Variants in NSD2 observed in about 807,000 individuals in gnomAD.
NSD2 encodes the protein histone-lysine N-methyltransferase NSD2.
A neutral mutation model predicts 139.0 loss-of-function variants in NSD2; 12 were observed. The ratio of observed to expected loss-of-function variants is 0.09; its 90% CI spans 0.06 to 0.14. The LOEUF (loss-of-function observed/expected upper bound fraction) is 0.14, where lower values mean the gene tolerates loss of function less well. Ranked by LOEUF, NSD2 falls within the 10% of genes least tolerant of loss-of-function variation. NSD2 has a pLI of 1.00. For missense variants in NSD2, 1,155 were observed against 1,745.0 expected, an observed-to-expected ratio of 0.66 and a Z score of 6.02; for synonymous variants, 669 against 648.7, an observed-to-expected ratio of 1.03 and a Z score of -0.48.
In NSD2 at chr4:1,939,646, T is replaced by C. The variant is rs1722872831; in HGVS notation, c.1757-8T>C. 2 of 1,613,812 alleles carry C rather than the reference T, an allele frequency of 1.2e-6. No individual in the cohort carries two copies. Among genetic ancestry groups the C allele is most frequent in the South Asian group, 2.2e-5 (2 of 91,086 alleles). ...TTTGAAACTTTACAAACCAAAATTA[T>C]TTTACAGCAACGAAAAATCTGTCTG... On this transcript the variant is annotated splice_region_variant and splice_polypyrimidine_tract_variant and intron_variant, in intron 8 of 21. Transcript: ENST00000508803.
chr4:1,901,772 G>C (rs1185018055), intron 2 of NSD2, among the ~76,000 whole-genome samples: 2 of 152,234 alleles, frequency 1.3e-5, no homozygotes, highest in African/African-American at 4.8e-5. Flanking sequence ...TCCTCAGCCA[G>C]GTGGTCCAGC....
chr4:1,896,951 G>T (rs564124419), intron 1 of NSD2, among the ~76,000 whole-genome samples: 1 of 151,972 alleles, frequency 6.6e-6, no homozygotes, highest in East Asian at 1.9e-4. Flanking sequence ...CGGGTGGATC[G>T]CTTGAGCCCA....
chr4:1,898,430 C>T (rs1211428095), intron 1 of NSD2, among the ~76,000 whole-genome samples: 1 of 152,062 alleles, frequency 6.6e-6, no homozygotes, highest in Non-Finnish European at 1.5e-5. Flanking sequence ...TTTGGGAGGC[C>T]AAGGCGGGCG....
chr4:1,923,952 G>A (rs144940739), intron 5 of NSD2, among the ~76,000 whole-genome samples: 5 of 152,250 alleles, frequency 3.3e-5, no homozygotes, highest in East Asian at 1.9e-4. Context: ...CTTTCTCTGC[G>A]TCCATCTAAA....
At chr4:1,930,884 C>A in intron 6 of NSD2, 114 bp downstream of exon 6, 1 of 1,384,140 alleles carries the variant, frequency 7.2e-7, no homozygotes, top group Non-Finnish European at 9.6e-7. Context: ...TGTTTCTGAC[C>A]CGTGGGGTTT....
At position 1,948,445 on chromosome 4, in the gene NSD2, G is replaced by C. The variant is rs985348884; in HGVS notation, c.1882-2627G>C. The C allele has an allele frequency of 3.8e-6, 4 of 1,065,998 alleles. No homozygotes were observed. In the African/African-American group the frequency reaches 6.6e-5, roughly 17 times the overall value. The allele number at this position is 1,065,998 out of a possible 1,614,324, so 66.0% of individuals were successfully genotyped here. ...AGGTGGAGCCTGCGGCTGGAGTAAG[G>C]CTTGCTGTGGGACGCCCTCGTACTT... is the stretch of plus-strand genomic sequence containing the variant. On this transcript the variant is annotated intron_variant, in intron 9 of 21. Transcript: ENST00000508803. This position sits in a 1 kb window ranked among gnomAD's most constrained non-coding sequence, Gnocchi z 4.5.
intron 1 of NSD2, among the ~76,000 whole-genome samples, chr4:1,897,662 TCTCA>T (rs1433800654): frequency 2.0e-5 from 3 of 152,296 alleles, no homozygotes; most frequent in African/African-American, 7.2e-5. Context: ...TGAGACAGAG[TCTCA>T]CTCAGGCTGG....
Position 1,976,574 on chromosome 4 carries a change from G to A in NSD2, c.3721G>A (p.Glu1241Lys), listed in dbSNP as rs774737951. 1.9e-6 allele frequency: 3 copies of A among 1,613,248 alleles called. No individual in the cohort carries two copies. Among genetic ancestry groups the A allele is most frequent in the Non-Finnish European group, 2.5e-6 (3 of 1,179,648 alleles). ...GGAAGGGAAGAGGCAGTCAGAGGACGAGTGCTTCCGCTGCGGTGATGGCGG... is the reference window on the plus strand; with the variant it reads ...GGAAGGGAAGAGGCAGTCAGAGGACAAGTGCTTCCGCTGCGGTGATGGCGG... Reference protein sequence around the residue: ...KGEGKRQSEDECFRCGDGGQL... With the variant: ...KGEGKRQSEDKCFRCGDGGQL... The change falls in exon 21 of 22, where the codon GAG becomes AAG. Residue 1241 changes from glutamate (E) to lysine (K), a missense_variant. Coordinates refer to ENST00000508803, the MANE Select transcript of NSD2 (RefSeq NM_001042424.3). This position sits in a 1 kb window ranked among gnomAD's most constrained non-coding sequence, Gnocchi z 5.3.
In NSD2 at chr4:1,900,755, A is replaced by G. The variant is rs1305185045; in HGVS notation, c.101A>G (p.Lys34Arg). 1.2e-6 allele frequency: 2 copies of G among 1,614,180 alleles called. No individual in the cohort carries two copies. Among genetic ancestry groups the G allele is most frequent in the Admixed American group, 1.7e-5 (1 of 60,010 alleles). Residue 34 changes from lysine to arginine, a missense_variant, in exon 2 of 22, where the codon AAG (lysine) becomes AGG (arginine). Lys to Arg is a conservative substitution (Grantham distance 26). Transcript: ENST00000508803. ...GAAATCCTCGGCAGTGCCAACGGGA[A>G]GACTCCGAGCTGCGAGGTGAACCGC... is the stretch of plus-strand genomic sequence containing the variant. ...APEILGSANGKTPSCEVNREC... is the reference protein window; with the variant it reads ...APEILGSANGRTPSCEVNREC...
Position 1,951,115 on chromosome 4 carries a change from A to G in NSD2, c.1925A>G (p.Glu642Gly), listed in dbSNP as rs759061394. The G allele has an allele frequency of 1.9e-6, 3 of 1,614,230 alleles. No individual in the cohort carries two copies. The highest frequency in any genetic ancestry group is 2.5e-6 in the Non-Finnish European group (3 of 1,180,038). Residue 642 changes from glutamate (E) to glycine (G), a missense_variant, in exon 10 of 22, where the codon GAA becomes GGA. Transcript: ENST00000508803. ...PGDEPSESPY[E>G]SADETQTEVS... ...GACGAGCCCTCGGAGTCCCCATACG[A>G]AAGTGCAGACGAAACACAAACTGAA...
At chr4:1,960,957 T>C (rs945789584) in intron 17 of NSD2, 78 bp from the exon 18 acceptor site, 5 of 1,119,458 alleles carry the variant, frequency 4.5e-6, no homozygotes, top group African/African-American at 3.0e-5. Flanking sequence ...TAAGTGATCA[T>C]GATGGGGAGT....
chr4:1,891,259 A>G (rs1715517829), intron 1 of NSD2, among the ~76,000 whole-genome samples: 1 of 152,212 alleles, frequency 6.6e-6, no homozygotes, highest in Non-Finnish European at 1.5e-5. Context: ...GGGCTGAAAT[A>G]TATTTCAGGC....
chr4:1,883,880 C>T (rs564611854), intron 1 of NSD2, among the ~76,000 whole-genome samples: 2 of 152,298 alleles, frequency 1.3e-5, no homozygotes, highest in East Asian at 1.9e-4. Context: ...TGCGTTGCTG[C>T]CTCTTGTTCT....
chr4:1,902,621 T>G (rs1172420152), intron 2 of NSD2, among the ~76,000 whole-genome samples: 3 of 152,034 alleles, frequency 2.0e-5, no homozygotes, highest in African/African-American at 7.3e-5. Flanking sequence ...CTGTTTTGTT[T>G]TGAGACAGGG....
chr4:1,938,579 C>A, intron 8 of NSD2, 47 bp downstream of exon 8: 3 of 543,080 alleles, frequency 5.5e-6, no homozygotes, highest in Non-Finnish European at 1.0e-5. Context: ...GGTGCCCAGG[C>A]TGGGCTGGGT....
intron 5 of NSD2, among the ~76,000 whole-genome samples, chr4:1,920,188 G>A (rs1038364806): frequency 2.6e-5 from 4 of 152,116 alleles, no homozygotes; most frequent in Non-Finnish European, 4.4e-5. Flanking sequence ...GGTGGCTCCC[G>A]CCTGTAATCT....
intron 9 of NSD2, chr4:1,945,582 G>T: frequency 9.4e-7 from 1 of 1,065,570 alleles, no homozygotes; most frequent in Non-Finnish European, 1.1e-6. Context: ...AGCCTGATGT[G>T]AGTGTGTGGC....
intron 12 of NSD2, chr4:1,954,751 T>C (rs1399474112): frequency 1.2e-5 from 2 of 164,288 alleles, no homozygotes; most frequent in Non-Finnish European, 2.6e-5. Context: ...GGGATGAGGG[T>C]GGCAGGTTTT....
At position 1,916,916 on chromosome 4, in the gene NSD2, A is replaced by T. The variant is rs2108800149; in HGVS notation, c.806A>T (p.Asp269Val). 6.2e-7 allele frequency: 1 copy of T among 1,614,138 alleles called. No individual in the cohort carries two copies. Among genetic ancestry groups the T allele is most frequent in the Non-Finnish European group, 8.5e-7 (1 of 1,180,004 alleles). ...CAGTATCACGTACAGTTCTTTGGTGACGCCCCAGAAAGAGCTTGGATATTT... is the reference window on the plus strand; with the variant it reads ...CAGTATCACGTACAGTTCTTTGGTGTCGCCCCAGAAAGAGCTTGGATATTT... The part of the protein sequence containing the change: ...ARQYHVQFFG[D>V]APERAWIFEK... The change falls in exon 4 of 22, where the codon GAC (aspartate) becomes GTC (valine). Residue 269 changes from aspartate to valine, a missense_variant. Physicochemically the swap from Asp to Val is radical, Grantham distance 152. Around this residue, in one of 8 missense-constraint regions of NSD2, gnomAD observed 34 missense variants for 75.2 expected, o/e 0.45. Coordinates refer to ENST00000508803, the MANE Select transcript of NSD2 (RefSeq NM_001042424.3).
Sources: allele counts gnomAD v4.1 joint callset (sites outside exome capture counted in the v4.1 genomes callset), GRCh38; gene constraint gnomAD v4.1.1; regional missense constraint gnomAD v4.1.1; non-coding constraint Gnocchi (gnomAD v3.1); transcripts MANE v1.5; gene names NCBI Gene and HGNC (gene_info 2026-07-23, HGNC 2026-07-21).